SMARCA2: variants seen among roughly 807,000 people sequenced by gnomAD.
SMARCA2 encodes the protein SWI/SNF-related matrix-associated actin-dependent regulator of chromatin subfamily A member 2.
SMARCA2 carries 61 observed loss-of-function variants against 199.8 expected under a neutral mutation model. That is an observed-to-expected ratio of 0.31 (90% CI 0.25 to 0.38). The LOEUF is 0.38. SMARCA2 is among the 10% of genes least tolerant of loss of function. The pLI, the probability that SMARCA2 is intolerant of heterozygous loss-of-function variation, is 1.00. For missense variants in SMARCA2, 1,344 were observed against 2,012.2 expected (o/e 0.67, Z 6.35); for synonymous variants, 935 against 732.0 (o/e 1.28, Z -4.48).
rs17453325 is a variant in SMARCA2 at position 2,190,981 on chromosome 9, T to G, written c.4595-285T>G. Among the ~76,000 whole-genome samples, 14,606 of 152,218 alleles carry G rather than the reference T, an allele frequency of 0.096. 764 individuals are homozygous for G. The highest frequency in any genetic ancestry group is 0.16 in the East Asian group (838 of 5,172). On this transcript the variant is annotated intron_variant, in intron 32 of 33. Transcript: ENST00000349721. The stretch of plus-strand genomic sequence containing the variant: ...TCCCCTCATTATCCTTGGTCAGCCA[T>G]TGGGAGACAGGTGAAGGATCCAGCC...
At chr9:2,154,724 G>A (rs949147143) in intron 27 of SMARCA2, among the ~76,000 whole-genome samples, 1 of 152,150 alleles carries the variant, frequency 6.6e-6, no homozygotes, top group African/African-American at 2.4e-5. Context: ...CTCCAAATGA[G>A]GTTATGCTCT....
intron 24 of SMARCA2, among the ~76,000 whole-genome samples, chr9:2,112,672 T>A (rs1823054985): frequency 6.6e-6 from 1 of 152,162 alleles, no homozygotes. Context: ...CTGCAAGTAT[T>A]TCTAGCTGCC....
At position 2,169,562 on chromosome 9, in the gene SMARCA2, C is replaced by A. The variant is rs7853073; in HGVS notation, c.4200-857C>A. Reference sequence around the variant, plus strand: ...TATGCTTTTCCCTCTCTGCAACACCCCGACCCCACACTGACTCTAGAGCAG... The same window carrying A: ...TATGCTTTTCCCTCTCTGCAACACCACGACCCCACACTGACTCTAGAGCAG... On this transcript the variant is annotated intron_variant, in intron 28 of 33. Coordinates refer to ENST00000349721, the MANE Select transcript of SMARCA2 (RefSeq NM_003070.5). This position sits in a 1 kb window ranked among gnomAD's most constrained non-coding sequence, Gnocchi z 6.5. Among the ~76,000 whole-genome samples, 1 of 152,068 alleles carries A rather than the reference C, an allele frequency of 6.6e-6. No homozygotes were observed. The highest frequency in any genetic ancestry group is 2.4e-5 in the African/African-American group (1 of 41,344).
intron 31 of SMARCA2, among the ~76,000 whole-genome samples, chr9:2,184,219 C>T (rs1457654963): frequency 2.0e-5 from 3 of 152,186 alleles, no homozygotes; most frequent in Admixed American, 1.3e-4. Flanking sequence ...TGATCACCTG[C>T]TTCCCCAGTT....
At chr9:2,120,252 G>A (rs1823398841) in intron 26 of SMARCA2, among the ~76,000 whole-genome samples, 1 of 152,190 alleles carries the variant, frequency 6.6e-6, no homozygotes, top group Non-Finnish European at 1.5e-5. Flanking sequence ...GTTGAATGCT[G>A]CAGAACCCTA....
At chr9:2,034,882 G>T (rs1045121960) in intron 3 of SMARCA2, among the ~76,000 whole-genome samples, 1 of 152,002 alleles carries the variant, frequency 6.6e-6, no homozygotes, top group Admixed American at 6.5e-5. Flanking sequence ...AAAAGCACTG[G>T]GAATTTTTGC....
intron 29 of SMARCA2, among the ~76,000 whole-genome samples, chr9:2,178,408 G>A (rs770131546): frequency 6.6e-6 from 1 of 152,110 alleles, no homozygotes; most frequent in Non-Finnish European, 1.5e-5. Context: ...GGGAAGTAGT[G>A]TACTTTCCAA....
In SMARCA2 at chr9:2,192,727, G is replaced by A. The variant is rs146702999; in HGVS notation, c.4761G>A (p.Thr1587=). Residue 1587 remains threonine, a synonymous_variant, in exon 34 of 34, where the codon ACG becomes ACA. Coordinates refer to ENST00000349721, the MANE Select transcript of SMARCA2 (RefSeq NM_003070.5). ...AGGAACAGTCAGAAGGAAGTGGGACGGATGATGAGTGATCAGTATGGACCT... is the reference window on the plus strand; with the variant it reads ...AGGAACAGTCAGAAGGAAGTGGGACAGATGATGAGTGATCAGTATGGACCT... ...DEREQSEGSG[T]DDE 5.9e-4 allele frequency: 942 copies of A among 1,608,834 alleles called. 2 individuals are homozygous for A. The highest frequency in any genetic ancestry group is 3.8e-3 in the African/African-American group (284 of 74,902).
At chr9:2,158,007 G>T in intron 27 of SMARCA2, 1 of 395,944 alleles carries the variant, frequency 2.5e-6, no homozygotes, top group East Asian at 3.6e-5. Flanking sequence ...CTGCATGACT[G>T]TCTCCTGCAT....
intron 8 of SMARCA2, among the ~76,000 whole-genome samples, chr9:2,060,460 A>G (rs1563739998): frequency 6.6e-6 from 1 of 152,322 alleles, no homozygotes; most frequent in East Asian, 1.9e-4. Context: ...TGTCTAAAAT[A>G]TAGAGTTAAA....
chr9:2,079,824 A>G (rs1821487528), intron 14 of SMARCA2: 1 of 152,186 alleles, frequency 6.6e-6, no homozygotes, highest in Non-Finnish European at 1.5e-5. Flanking sequence ...TTATTTGTGA[A>G]TAACTTGTAA....
chr9:2,159,406 C>T, intron 27 of SMARCA2: 1 of 202,744 alleles, frequency 4.9e-6, no homozygotes, highest in South Asian at 1.3e-4. Context: ...AAAAAATTGT[C>T]TTCTGTTTTA....
intron 5 of SMARCA2, among the ~76,000 whole-genome samples, chr9:2,049,541 G>A (rs796261397): frequency 4.3e-4 from 66 of 152,294 alleles, no homozygotes; most frequent in African/African-American, 1.6e-3. Flanking sequence ...GTAAAGCCAT[G>A]TGGCTTTTGA....
intron 27 of SMARCA2, among the ~76,000 whole-genome samples, chr9:2,134,101 A>G (rs1197040959): frequency 3.3e-5 from 5 of 152,230 alleles, no homozygotes; most frequent in African/African-American, 9.6e-5. Flanking sequence ...AAAGTTTCCA[A>G]TTATTTCGAA....
At chr9:2,134,712 C>T (rs934824005) in intron 27 of SMARCA2, among the ~76,000 whole-genome samples, 4 of 152,094 alleles carry the variant, frequency 2.6e-5, no homozygotes, top group African/African-American at 9.7e-5. Context: ...GAAATCCTAA[C>T]CCCCAATGTG....
intron 27 of SMARCA2, among the ~76,000 whole-genome samples, chr9:2,131,541 C>A (rs1823949201): frequency 6.6e-6 from 1 of 152,096 alleles, no homozygotes; most frequent in Non-Finnish European, 1.5e-5. Flanking sequence ...GACAGAACAC[C>A]CTCCTTTTCC....
intron 11 of SMARCA2, 43 bp downstream of exon 11, chr9:2,073,385 T>C: frequency 1.9e-6 from 3 of 1,610,488 alleles, no homozygotes; most frequent in Non-Finnish European, 2.5e-6. Context: ...TTTAGCTTTT[T>C]AGATTTTGGT....
At chr9:2,077,153 C>A (rs1319242165) in intron 13 of SMARCA2, among the ~76,000 whole-genome samples, 1 of 152,086 alleles carries the variant, frequency 6.6e-6, no homozygotes, top group Non-Finnish European at 1.5e-5. Context: ...AGAAGCCTAC[C>A]TTTCCTCCTT....
chr9:2,193,089 A>AT lies in SMARCA2; in HGVS notation c.*355dup, dbSNP rs541329338. 206 of 204,362 alleles carry AT rather than the reference A, an allele frequency of 1.0e-3. No homozygotes were observed. Among genetic ancestry groups the AT allele is most frequent in the Non-Finnish European group, 1.6e-3 (163 of 102,676 alleles). The allele number at this position is 204,362 out of a possible 1,614,324, so 12.7% of individuals were successfully genotyped here. ...TTTTATCACCTGTTCAGATGAGAAGATTTTTGTCTTTTGTAGCACTGATAA... is the reference window on the plus strand; with the variant it reads ...TTTTATCACCTGTTCAGATGAGAAGATTTTTTGTCTTTTGTAGCACTGATAA... On this transcript the variant is annotated 3_prime_UTR_variant, in exon 34 of 34. Transcript: ENST00000349721.
Sources: allele counts gnomAD v4.1 joint callset (sites outside exome capture counted in the v4.1 genomes callset), GRCh38; gene constraint gnomAD v4.1.1; non-coding constraint Gnocchi (gnomAD v3.1); transcripts MANE v1.5; gene names NCBI Gene and HGNC (gene_info 2026-07-23, HGNC 2026-07-21).